The following LOC400499 variants were observed in gnomAD, a reference collection of about 807,000 sequenced individuals.
At chr16:11,417,463 C>G in the LOC400499 span, among the ~76,000 whole-genome samples, 1 of 148,064 alleles carries the variant, frequency 6.8e-6, no homozygotes, top group Non-Finnish European at 1.5e-5. Flanking sequence ...ATCCACCTGC[C>G]TTGGGAGTTA....
the LOC400499 span, among the ~76,000 whole-genome samples, chr16:11,374,417 G>C: frequency 0.082 from 12,477 of 152,212 alleles, 694 homozygotes; most frequent in Non-Finnish European, 0.13. Flanking sequence ...GCACACTTTT[G>C]TGCAACCAAT....
the LOC400499 span, among the ~76,000 whole-genome samples, chr16:11,451,551 A>AAAAC: frequency 6.6e-4 from 98 of 149,588 alleles, no homozygotes; most frequent in African/African-American, 1.5e-3. Context: ...ACCCTGTCTC[A>AAAAC]AAACAAACAA....
chr16:11,426,212 G>A, the LOC400499 span, among the ~76,000 whole-genome samples: 2 of 152,326 alleles, frequency 1.3e-5, no homozygotes, highest in East Asian at 3.9e-4. Context: ...GAGACAGGCA[G>A]ATCACTTGAG....
chr16:11,445,438 G>T, the LOC400499 span, among the ~76,000 whole-genome samples: 1 of 151,808 alleles, frequency 6.6e-6, no homozygotes, highest in Admixed American at 6.6e-5. Context: ...AAAAAAGAAA[G>T]AAAAAGATAT....
the LOC400499 span, chr16:11,491,722 C>T: frequency 2.6e-6 from 1 of 386,048 alleles, no homozygotes. Context: ...AGCTCGCCTG[C>T]CTGGGTGCGC....
chr16:11,507,419 A>G, the LOC400499 span, among the ~76,000 whole-genome samples: 1 of 152,208 alleles, frequency 6.6e-6, no homozygotes, highest in East Asian at 1.9e-4. Context: ...ACCCAGGGCG[A>G]GAAACCCTGC....
the LOC400499 span, among the ~76,000 whole-genome samples, chr16:11,465,955 T>C: frequency 3.9e-5 from 6 of 152,094 alleles, no homozygotes; most frequent in African/African-American, 1.4e-4. Context: ...CCTTGTGGCC[T>C]GGGAATTCCA....
the LOC400499 span, among the ~76,000 whole-genome samples, chr16:11,514,077 G>T: frequency 6.6e-6 from 1 of 152,140 alleles, no homozygotes; most frequent in Non-Finnish European, 1.5e-5. Flanking sequence ...AGACTGAGGG[G>T]TCACTGAATT....
the LOC400499 span, among the ~76,000 whole-genome samples, chr16:11,383,032 G>A: frequency 0.02 from 3,007 of 151,460 alleles, 57 homozygotes; most frequent in Middle Eastern, 0.12. Flanking sequence ...TTACAATCAT[G>A]GCAGGAGGAG....
the LOC400499 span, among the ~76,000 whole-genome samples, chr16:11,431,497 C>T: frequency 6.6e-6 from 1 of 152,200 alleles, no homozygotes; most frequent in Non-Finnish European, 1.5e-5. Flanking sequence ...CCTCCGCCTC[C>T]TGGGTTCAAG....
At chr16:11,492,887 A>T in the LOC400499 span, among the ~76,000 whole-genome samples, 24 of 152,206 alleles carry the variant, frequency 1.6e-4, no homozygotes, top group African/African-American at 5.8e-4. Context: ...ATTTCAGGTG[A>T]AATTGTCAAG....
At chr16:11,375,366 T>G in the LOC400499 span, among the ~76,000 whole-genome samples, 3 of 134,134 alleles carry the variant, frequency 2.2e-5, no homozygotes, top group East Asian at 6.0e-4. Flanking sequence ...GAGGCTGGAG[T>G]GCAGTGGCGG....
the LOC400499 span, among the ~76,000 whole-genome samples, chr16:11,479,713 A>C: frequency 1.8e-4 from 28 of 152,312 alleles, no homozygotes; most frequent in African/African-American, 6.7e-4. Flanking sequence ...CCCCATTGTT[A>C]ACATCTTCCA....
chr16:11,446,071 C>T, the LOC400499 span, among the ~76,000 whole-genome samples: 130 of 152,094 alleles, frequency 8.5e-4, 1 homozygote, highest in Admixed American at 2.5e-3. Flanking sequence ...GTGATCTGCC[C>T]GCCTTGGCCT....
the LOC400499 span, among the ~76,000 whole-genome samples, chr16:11,417,343 G>A: frequency 1.3e-5 from 2 of 152,118 alleles, no homozygotes; most frequent in Non-Finnish European, 2.9e-5. Flanking sequence ...CCCTGCCTCA[G>A]CCTCCCGAGT....
At chr16:11,487,730 GT>G in the LOC400499 span, among the ~76,000 whole-genome samples, 2 of 147,882 alleles carry the variant, frequency 1.4e-5, no homozygotes, top group Non-Finnish European at 3.0e-5. Flanking sequence ...GGCAGTCTCA[GT>G]GTGGGGCTAA....
chr16:11,425,355 G>C, the LOC400499 span: 3 of 399,300 alleles, frequency 7.5e-6, no homozygotes, highest in East Asian at 3.6e-5. Context: ...GCGCACGCTG[G>C]TGCCGTTCCC....
the LOC400499 span, among the ~76,000 whole-genome samples, chr16:11,419,060 G>A: frequency 6.6e-6 from 1 of 152,144 alleles, no homozygotes; most frequent in Non-Finnish European, 1.5e-5. Flanking sequence ...CAGTTACTCA[G>A]GAGGCTGAAG....
the LOC400499 span, among the ~76,000 whole-genome samples, chr16:11,410,139 G>A: frequency 6.6e-6 from 1 of 152,096 alleles, no homozygotes; most frequent in Non-Finnish European, 1.5e-5. Context: ...GCAAGACCCT[G>A]TCTCAAAAAG....
Sources: allele counts gnomAD v4.1 joint callset (sites outside exome capture counted in the v4.1 genomes callset), GRCh38; gene constraint gnomAD v4.1.1; transcripts MANE v1.5.